GRTP1: variants seen among roughly 807,000 people sequenced by gnomAD.
GRTP1 encodes growth hormone-regulated TBC protein 1.
In GRTP1, 56 loss-of-function variants were observed where a neutral mutation model predicts 38.1. The ratio of observed to expected loss-of-function variants is 1.47; its 90% CI spans 1.19 to 1.84. The LOEUF (loss-of-function observed/expected upper bound fraction) is 1.84. GRTP1 is among the 40% of genes most tolerant of loss of function. The probability of loss-of-function intolerance (pLI) is 0.00; values close to 1 mark genes in which losing one functional copy is unlikely to be tolerated. For synonymous variants in GRTP1, 217 were observed against 189.5 expected (o/e 1.14, Z -1.19); for missense variants, 506 against 453.9 (o/e 1.11, Z -1.04).
chr13:113,364,094 A>G lies in GRTP1; in HGVS notation c.-43T>C. The G allele has an allele frequency of 8.1e-7, 1 of 1,230,834 alleles. No individual in the cohort carries two copies. Among genetic ancestry groups the G allele is most frequent in the Non-Finnish European group, 1.0e-6 (1 of 992,394 alleles). The allele number at this position is 1,230,834 out of a possible 1,614,324, so 76.2% of individuals were successfully genotyped here. On this transcript the variant is annotated 5_prime_UTR_variant, in exon 1 of 8. Transcript: ENST00000375431. ...CACCGAGCGAGGCCAGCGGGTCCCA[A>G]GTTCGCCTCCCGGCTCCGGGGCGCT...
At chr13:113,345,007 C>A in intron 4 of GRTP1, 48 bp from the exon 5 acceptor site, 1 of 1,561,840 alleles carries the variant, frequency 6.4e-7, no homozygotes, top group Non-Finnish European at 8.6e-7. Context: ...TTTTAAGCCC[C>A]CATTTGATTC....
chr13:113,327,433 C>T (rs1262447175), intron 5 of GRTP1, among the ~76,000 whole-genome samples: 2 of 152,054 alleles, frequency 1.3e-5, no homozygotes, highest in Admixed American at 1.3e-4. Flanking sequence ...CCGCCTCGGC[C>T]TCCAAAAGTG....
chr13:113,329,341 G>T (rs1286054380), intron 5 of GRTP1, among the ~76,000 whole-genome samples: 1 of 152,310 alleles, frequency 6.6e-6, no homozygotes, highest in East Asian at 1.9e-4. Context: ...ACTTTGGGAG[G>T]CTGAGACGGG....
At position 113,363,859 on chromosome 13, in the gene GRTP1, G is replaced by A; in HGVS notation, c.84C>T (p.Tyr28=). The change falls in exon 2 of 8, where the codon TAC becomes TAT. Residue 28 remains tyrosine (Y), a synonymous_variant. Coordinates refer to ENST00000375431, the MANE Select transcript of GRTP1 (RefSeq NM_024719.4). ...ERPEDFDDAA[Y]EKFFSSYLVT... is the part of the protein sequence containing the mutation. ...CCAGGTAGCTGGAGAAAAACTTCTCGTAGGCGGCGTCGTCGAAGTCCTCAG... is the reference window on the plus strand; with the variant it reads ...CCAGGTAGCTGGAGAAAAACTTCTCATAGGCGGCGTCGTCGAAGTCCTCAG... 2 of 1,611,912 alleles carry A rather than the reference G, an allele frequency of 1.2e-6. No homozygotes were observed. The highest frequency in any genetic ancestry group is 1.7e-6 in the Non-Finnish European group (2 of 1,179,590).
At chr13:113,332,117 A>G (rs1183832097) in intron 5 of GRTP1, among the ~76,000 whole-genome samples, 1 of 152,050 alleles carries the variant, frequency 6.6e-6, no homozygotes, top group African/African-American at 2.4e-5. Flanking sequence ...AAACCTAGCC[A>G]TGAAATAGCA....
intron 4 of GRTP1, among the ~76,000 whole-genome samples, chr13:113,346,094 ATCT>A: frequency 3.6e-5 from 2 of 55,906 alleles, no homozygotes; most frequent in East Asian, 6.3e-4. Flanking sequence ...CTGGGAAGAC[ATCT>A]GTGGCCGAGA....
At chr13:113,325,300 C>A (rs2042742779) in intron 7 of GRTP1, 4 of 1,334,716 alleles carry the variant, frequency 3.0e-6, no homozygotes, top group Non-Finnish European at 3.8e-6. Context: ...AGGTACAGCT[C>A]CCACAACGCC....
rs370110497 is a variant in GRTP1 at position 113,348,628 on chromosome 13, T to G, written c.465+2221A>C. On this transcript the variant is annotated intron_variant, in intron 4 of 7. Coordinates refer to ENST00000375431, the MANE Select transcript of GRTP1 (RefSeq NM_024719.4). This position sits in a 1 kb window ranked among gnomAD's most constrained non-coding sequence, Gnocchi z 4.8. ...TGGTGGGCCCTATCCAAGCCTGGTGTCCTTGTCTTACGTGGAGCTTTAGAC... is the reference window on the plus strand; with the variant it reads ...TGGTGGGCCCTATCCAAGCCTGGTGGCCTTGTCTTACGTGGAGCTTTAGAC... Among the ~76,000 whole-genome samples the G allele has an allele frequency of 6.6e-5, 10 of 152,152 alleles. No homozygotes were observed. Among genetic ancestry groups the G allele is most frequent in the African/African-American group, 2.2e-4 (9 of 41,424 alleles).
chr13:113,336,247 C>T (rs934375156), intron 5 of GRTP1, among the ~76,000 whole-genome samples: 7 of 151,488 alleles, frequency 4.6e-5, no homozygotes, highest in Non-Finnish European at 1.0e-4. Context: ...TGCCCTTCAA[C>T]AGAGTAACTT....
At chr13:113,352,069 C>T (rs1340327825) in intron 3 of GRTP1, 1 of 148,086 alleles carries the variant, frequency 6.8e-6, no homozygotes, top group Admixed American at 6.9e-5. Context: ...CACATTATTT[C>T]TCATTGTGTG....
chr13:113,354,492 TG>T (rs1240829361), intron 3 of GRTP1, among the ~76,000 whole-genome samples: 1 of 152,178 alleles, frequency 6.6e-6, no homozygotes, highest in Non-Finnish European at 1.5e-5. Context: ...GAAGGGCAGA[TG>T]TACTTTCTAA....
chr13:113,349,175 G>GT lies in GRTP1; in HGVS notation c.465+1673dup, dbSNP rs1399451061. The stretch of plus-strand genomic sequence containing the variant: ...TAGGCAAGGGCCACCCAGGTGGGTG[G>GT]TGTTTTTTTTTGTTTGTTTCTCGGT... On this transcript the variant is annotated intron_variant, in intron 4 of 7. Transcript: ENST00000375431. This position sits in a 1 kb window ranked among gnomAD's most constrained non-coding sequence, Gnocchi z 5.0. Among the ~76,000 whole-genome samples the GT allele has an allele frequency of 7.3e-6, 1 of 137,812 alleles. No homozygotes were observed. Among genetic ancestry groups the GT allele is most frequent in the East Asian group, 3.2e-4 (1 of 3,102 alleles). The allele number at this position is 137,812 out of a possible 152,430, so 90.4% of individuals were successfully genotyped here. A position where few individuals can be genotyped will look rare whatever the true frequency, so the allele number is the denominator to read the frequency against.
intron 3 of GRTP1, among the ~76,000 whole-genome samples, chr13:113,352,252 A>ATTTATATATATTTATATATT (rs2043282915): frequency 8.3e-6 from 1 of 121,028 alleles, no homozygotes; most frequent in Non-Finnish European, 1.7e-5. Flanking sequence ...ATTTATATAT[A>ATTTATATATATTTATATATT]TTTATATATT....
At chr13:113,337,545 C>T (rs2042970352) in intron 5 of GRTP1, among the ~76,000 whole-genome samples, 1 of 152,202 alleles carries the variant, frequency 6.6e-6, no homozygotes. Flanking sequence ...TATGGCGAAA[C>T]CTGGTATCAA....
chr13:113,353,769 C>T (rs1163646469), intron 3 of GRTP1, among the ~76,000 whole-genome samples: 1 of 152,106 alleles, frequency 6.6e-6, no homozygotes, highest in Non-Finnish European at 1.5e-5. Flanking sequence ...CATATTTTAC[C>T]ATAATTTAAA....
intron 2 of GRTP1, among the ~76,000 whole-genome samples, chr13:113,356,194 C>T (rs2043382305): frequency 6.6e-6 from 1 of 152,184 alleles, no homozygotes; most frequent in Admixed American, 6.6e-5. Flanking sequence ...ACCTACAAAA[C>T]AGTTAATTTT....
intron 5 of GRTP1, among the ~76,000 whole-genome samples, chr13:113,326,367 GGT>G: frequency 1.2e-5 from 1 of 85,622 alleles, no homozygotes; most frequent in African/African-American, 8.6e-5. Context: ...GCAGGTGGAG[GGT>G]GGCGCGGTGG....
At chr13:113,338,237 G>A (rs2042981381) in intron 5 of GRTP1, among the ~76,000 whole-genome samples, 2 of 152,134 alleles carry the variant, frequency 1.3e-5, no homozygotes, top group African/African-American at 4.8e-5. Flanking sequence ...GTGATTGATG[G>A]CCATCATCTT....
chr13:113,330,023 A>ACATGGAAACCCAGGTGCCTG (rs2042834622), intron 5 of GRTP1, among the ~76,000 whole-genome samples: 1 of 65,036 alleles, frequency 1.5e-5, no homozygotes, highest in South Asian at 5.6e-4. Context: ...CCAGGTGCGT[A>ACATGGAAACCCAGGTGCCTG]CATGGAAACC....
Sources: allele counts gnomAD v4.1 joint callset (sites outside exome capture counted in the v4.1 genomes callset), GRCh38; gene constraint gnomAD v4.1.1; non-coding constraint Gnocchi (gnomAD v3.1); transcripts MANE v1.5; gene names NCBI Gene and HGNC (gene_info 2026-07-23, HGNC 2026-07-21).